The following CELF2 variants were observed in gnomAD, a reference collection of about 807,000 sequenced individuals.
The protein encoded by CELF2 is CUG triplet repeat RNA-binding protein 2.
A neutral mutation model predicts 62.6 loss-of-function variants in CELF2; 8 were observed. That is an observed-to-expected ratio of 0.13 (90% CI 0.07 to 0.23). The LOEUF (loss-of-function observed/expected upper bound fraction) is 0.23. Ranked by LOEUF, CELF2 falls within the 10% of genes least tolerant of loss-of-function variation. CELF2 has a pLI of 1.00. For synonymous variants in CELF2, 258 were observed against 250.0 expected (o/e 1.03, Z -0.30); for missense variants, 333 against 671.0 (o/e 0.50, Z 5.56).
intron 8 of CELF2, among the ~76,000 whole-genome samples, chr10:11,286,148 G>A (rs2091237956): frequency 6.6e-6 from 1 of 152,226 alleles, no homozygotes; most frequent in African/African-American, 2.4e-5. Context: ...TGGCTGTGAG[G>A]CCTTGGCCAG....
the CELF2 span, among the ~76,000 whole-genome samples, chr10:10,653,970 G>A: frequency 6.6e-6 from 1 of 151,602 alleles, no homozygotes; most frequent in African/African-American, 2.4e-5. Context: ...TAGACCGCTA[G>A]CAAGACTAAT....
chr10:10,652,862 A>C, the CELF2 span, among the ~76,000 whole-genome samples: 1 of 152,306 alleles, frequency 6.6e-6, no homozygotes, highest in Admixed American at 6.5e-5. Context: ...GATCAAATTC[A>C]CACATAACAA....
chr10:10,845,143 A>T (rs1209688697), intron 1 of CELF2, among the ~76,000 whole-genome samples: 1 of 152,158 alleles, frequency 6.6e-6, no homozygotes, highest in African/African-American at 2.4e-5. Context: ...TTGCCATCAT[A>T]GACGAGAAAT....
the CELF2 span, among the ~76,000 whole-genome samples, chr10:10,670,970 CA>C: frequency 6.6e-6 from 1 of 152,030 alleles, no homozygotes; most frequent in African/African-American, 2.4e-5. Context: ...AGTTTGAGAC[CA>C]GCCTAGGCAA....
the CELF2 span, among the ~76,000 whole-genome samples, chr10:10,547,692 A>AGAGAGTGTGTGTGTGT: frequency 7.2e-6 from 1 of 138,004 alleles, no homozygotes. Flanking sequence ...AGAGAGAGAG[A>AGAGAGTGTGTGTGTGT]GTGTGTGTGT....
chr10:10,708,879 C>T, the CELF2 span, among the ~76,000 whole-genome samples: 17 of 152,262 alleles, frequency 1.1e-4, no homozygotes, highest in South Asian at 1.0e-3. Context: ...CACACGCACA[C>T]GCACACCGTA....
chr10:10,687,534 T>C, the CELF2 span, among the ~76,000 whole-genome samples: 1 of 152,320 alleles, frequency 6.6e-6, no homozygotes, highest in Admixed American at 6.5e-5. Flanking sequence ...GAGACTTCCT[T>C]GAATAAATTA....
the CELF2 span, among the ~76,000 whole-genome samples, chr10:10,576,190 T>TG: frequency 6.6e-6 from 1 of 152,084 alleles, no homozygotes; most frequent in Non-Finnish European, 1.5e-5. Flanking sequence ...GAGACCAAAT[T>TG]GGGGGGCTAC....
At chr10:11,163,239 G>A (rs531960808) in intron 1 of CELF2, among the ~76,000 whole-genome samples, 13 of 152,274 alleles carry the variant, frequency 8.5e-5, no homozygotes, top group East Asian at 1.9e-4. Context: ...TATGTGCTCC[G>A]CAGATGAGGT....
At chr10:11,018,351 C>A (rs1040899757) in intron 1 of CELF2, among the ~76,000 whole-genome samples, 188 bp downstream of exon 1, 4 of 151,654 alleles carry the variant, frequency 2.6e-5, no homozygotes, top group African/African-American at 7.2e-5. Flanking sequence ...CGAGCAGCGC[C>A]GGCGGTGCAG....
At chr10:10,816,262 ATTC>A (rs1440948656) in intron 1 of CELF2, among the ~76,000 whole-genome samples, 1 of 152,196 alleles carries the variant, frequency 6.6e-6, no homozygotes, top group Non-Finnish European at 1.5e-5. Flanking sequence ...ATTGATTTAC[ATTC>A]TTATTTCTCT....
chr10:10,668,412 GA>G, the CELF2 span, among the ~76,000 whole-genome samples: 2 of 152,288 alleles, frequency 1.3e-5, no homozygotes, highest in Admixed American at 1.3e-4. Flanking sequence ...CTGCTTCATG[GA>G]CCCAGTTAGC....
intron 1 of CELF2, among the ~76,000 whole-genome samples, chr10:10,918,621 G>C (rs1313585875): frequency 6.6e-6 from 1 of 152,178 alleles, no homozygotes; most frequent in Non-Finnish European, 1.5e-5. Context: ...TGAGAAGGAA[G>C]TCCTCTGTTT....
intron 2 of CELF2, among the ~76,000 whole-genome samples, chr10:11,200,403 G>A (rs1056657743): frequency 2.9e-4 from 44 of 152,186 alleles, no homozygotes; most frequent in Non-Finnish European, 3.8e-4. Context: ...GAAGTGAATT[G>A]GTTAAATGTA....
chr10:10,905,348 A>C (rs1023925914), intron 1 of CELF2, among the ~76,000 whole-genome samples: 4 of 152,230 alleles, frequency 2.6e-5, no homozygotes, highest in Admixed American at 2.6e-4. Context: ...CCTAGGAATG[A>C]AATACTATTT....
chr10:10,747,775 C>T, the CELF2 span, among the ~76,000 whole-genome samples: 2,804 of 152,278 alleles, frequency 0.018, 45 homozygotes, highest in Middle Eastern at 0.075. Context: ...GGCACGATCT[C>T]GGCTCACTGC....
chr10:10,742,472 T>C, the CELF2 span, among the ~76,000 whole-genome samples: 1 of 150,518 alleles, frequency 6.6e-6, no homozygotes, highest in East Asian at 2.0e-4. Context: ...TAACAAAAAA[T>C]ACAAAAGTTA....
At chr10:10,531,041 T>C in the CELF2 span, among the ~76,000 whole-genome samples, 2 of 152,232 alleles carry the variant, frequency 1.3e-5, no homozygotes, top group Non-Finnish European at 2.9e-5. Flanking sequence ...TGTGTCTCTC[T>C]GTGCTTTCAC....
chr10:10,874,540 T>A (rs1241679934), intron 1 of CELF2, among the ~76,000 whole-genome samples: 2 of 151,952 alleles, frequency 1.3e-5, no homozygotes, highest in Non-Finnish European at 2.9e-5. Flanking sequence ...GGACTTCTGA[T>A]ACAAGATTTT....
Sources: gnomAD v4.1 joint callset for allele counts (sites outside exome capture counted in the v4.1 genomes callset) on GRCh38, gnomAD v4.1.1 for gene constraint, MANE v1.5 for transcripts, NCBI Gene and HGNC (gene_info 2026-07-23, HGNC 2026-07-21) for gene names.